The following FAM149A variants were observed in gnomAD, a reference collection of about 807,000 sequenced individuals.
The protein encoded by FAM149A is family with sequence similarity 149 member A, also known as protein FAM149A.
FAM149A carries 71 observed loss-of-function variants against 78.2 expected under a neutral mutation model. The ratio of observed to expected loss-of-function variants is 0.91; its 90% CI spans 0.75 to 1.11. The LOEUF (loss-of-function observed/expected upper bound fraction) is 1.11. Among genes scored for constraint, FAM149A ranks in the 50% least tolerant of loss-of-function variants. The pLI is 0.00. For missense variants in FAM149A, 1,036 were observed against 971.0 expected, an observed-to-expected ratio of 1.07 and a Z score of -0.89; for synonymous variants, 446 against 410.5, an observed-to-expected ratio of 1.09 and a Z score of -1.04.
chr4:186,162,299 C>T (rs1196716344), intron 8 of FAM149A, among the ~76,000 whole-genome samples: 3 of 152,202 alleles, frequency 2.0e-5, no homozygotes, highest in Admixed American at 2.0e-4. Context: ...AGAACCCAGG[C>T]AAGTGTGGAG....
At chr4:186,128,328 T>G (rs1478155079) in intron 1 of FAM149A, among the ~76,000 whole-genome samples, 1 of 152,148 alleles carries the variant, frequency 6.6e-6, no homozygotes, top group South Asian at 2.1e-4. Context: ...ATAAAATTAG[T>G]CCTACATTTT....
At chr4:186,110,794 T>C (rs1316404669) in intron 1 of FAM149A, among the ~76,000 whole-genome samples, 71 of 149,160 alleles carry the variant, frequency 4.8e-4, no homozygotes, top group African/African-American at 1.7e-3. Flanking sequence ...CAGTCTATCA[T>C]TGTTGGACAT....
chr4:186,134,102 G>A (rs1438572977), intron 1 of FAM149A, among the ~76,000 whole-genome samples: 1 of 152,130 alleles, frequency 6.6e-6, no homozygotes, highest in Admixed American at 6.5e-5. Flanking sequence ...TGATGCACGA[G>A]GATTCCCATT....
chr4:186,130,786 G>A (rs1226175237), intron 1 of FAM149A, among the ~76,000 whole-genome samples: 1 of 152,136 alleles, frequency 6.6e-6, no homozygotes, highest in Admixed American at 6.5e-5. Flanking sequence ...ACAGTAAATA[G>A]TATGTTACTG....
intron 3 of FAM149A, chr4:186,150,782 TGCC>T: frequency 6.8e-6 from 1 of 147,734 alleles, no homozygotes. Flanking sequence ...GGTGCAGTGG[TGCC>T]ATGTCGGCTC....
At chr4:186,126,369 A>G (rs1416847852) in intron 1 of FAM149A, among the ~76,000 whole-genome samples, 1 of 152,206 alleles carries the variant, frequency 6.6e-6, no homozygotes, top group Non-Finnish European at 1.5e-5. Flanking sequence ...ACACCCAGAT[A>G]GCTGATAAAA....
intron 7 of FAM149A, among the ~76,000 whole-genome samples, chr4:186,156,658 CA>C (rs1308114345): frequency 1.3e-5 from 2 of 151,474 alleles, no homozygotes; most frequent in Admixed American, 1.3e-4. Flanking sequence ...CCAGCCTAGG[CA>C]ACAAGAGTAA....
intron 7 of FAM149A, among the ~76,000 whole-genome samples, chr4:186,156,796 C>T (rs1386644819): frequency 1.3e-5 from 2 of 151,934 alleles, no homozygotes; most frequent in African/African-American, 4.8e-5. Flanking sequence ...ATAGTAACAC[C>T]CTGTCTTTTC....
chr4:186,127,570 G>T, intron 1 of FAM149A: 1 of 985,438 alleles, frequency 1.0e-6, no homozygotes, highest in Non-Finnish European at 1.2e-6. Context: ...ATGTCCATGC[G>T]AGAAGCAGTT....
In FAM149A at chr4:186,125,363, C is replaced by G. The variant is rs769430894; in HGVS notation, c.566+19721C>G. The stretch of plus-strand genomic sequence containing the variant: ...ATGCCTGCTACACCCACATCCCCTG[C>G]GGAGGTCTCTTGATGATAGCCACTG... On this transcript the variant is annotated intron_variant, in intron 1 of 13. Transcript: ENST00000389354. The G allele has an allele frequency of 3.4e-4, 337 of 981,970 alleles. 1 individual carries two copies. Among genetic ancestry groups the G allele is most frequent in the Non-Finnish European group, 4.0e-4 (329 of 826,826 alleles). 60.8% of individuals were successfully genotyped at this position (981,970 alleles called of 1,614,324 possible). A position where few individuals can be genotyped will look rare whatever the true frequency, so the allele number is the denominator to read the frequency against.
rs1425751612 is a variant in FAM149A at position 186,144,803 on chromosome 4, C to G, written c.567-4370C>G. 2.0e-6 allele frequency: 2 copies of G among 980,472 alleles called. No homozygotes were observed. Among genetic ancestry groups the G allele is most frequent in the Non-Finnish European group, 2.4e-6 (2 of 826,518 alleles). The allele number at this position is 980,472 out of a possible 1,614,324, so 60.7% of individuals were successfully genotyped here. ...TTAGCTGGCGGGCGAGGGCGCAGCG[C>G]AGGGAGGAGGAGGGGAGGCGGCGCC... On this transcript the variant is annotated intron_variant, in intron 1 of 13. Transcript: ENST00000389354. This position sits in a 1 kb window ranked among gnomAD's most constrained non-coding sequence, Gnocchi z 4.2.
At position 186,163,463 on chromosome 4, in the gene FAM149A, T is replaced by C. The variant is rs766861196; in HGVS notation, c.1719T>C (p.Gly573=). 50 of 1,613,668 alleles carry C rather than the reference T, an allele frequency of 3.1e-5. No homozygotes were observed. The highest frequency in any genetic ancestry group is 3.9e-5 in the Non-Finnish European group (46 of 1,180,000). ...ACAAAGCATCGGGTGGAGGGGCAGG[T>C]GCTCTCTCCTCCGCACCGCACAGAC... Residue 573 remains glycine (G), a synonymous_variant, in exon 10 of 14, where the codon GGT becomes GGC. Coordinates refer to ENST00000389354, the MANE Select transcript of FAM149A (RefSeq NM_001367768.3).
rs568913216 is a variant in FAM149A at position 186,168,893 on chromosome 4, G to A, written c.2218+1631G>A. Among the ~76,000 whole-genome samples, 9 of 152,286 alleles carry A rather than the reference G, an allele frequency of 5.9e-5. No individual in the cohort carries two copies. In the South Asian group the frequency reaches 1.9e-3, roughly 32 times the overall value. On this transcript the variant is annotated intron_variant, in intron 13 of 13. Transcript: ENST00000389354. ...CACCACCTGGATCCCCTGTCAGATG[G>A]CTGGAGGGTGCCGAGGCTTCCTAGA...
At chr4:186,145,317 TTGC>T (rs374918608) in intron 1 of FAM149A, among the ~76,000 whole-genome samples, 68 of 152,282 alleles carry the variant, frequency 4.5e-4, no homozygotes, top group African/African-American at 1.6e-3. Flanking sequence ...CTCCTGGGAC[TTGC>T]TGGTGTTGGG....
chr4:186,150,395 T>TCTCTCTCTC (rs1401107442), intron 3 of FAM149A, among the ~76,000 whole-genome samples: 14 of 125,442 alleles, frequency 1.1e-4, no homozygotes, highest in African/African-American at 4.1e-4. Context: ...CTTGCTTGCT[T>TCTCTCTCTC]TCTCTCTCTC....
chr4:186,131,814 ATAAT>A, intron 1 of FAM149A: 2 of 856,930 alleles, frequency 2.3e-6, no homozygotes, highest in Non-Finnish European at 2.8e-6. Context: ...AACAGACAAA[ATAAT>A]TGCTAACCAA....
chr4:186,136,936 ATCTCTCTCTCTCTCTCTC>A (rs142934788), intron 1 of FAM149A, among the ~76,000 whole-genome samples: 9 of 88,094 alleles, frequency 1.0e-4, no homozygotes, highest in African/African-American at 4.5e-4. Context: ...ACACTGATTG[ATCTCTCTCTCTCTCTCTC>A]TCTCTCTCTT....
intron 1 of FAM149A, among the ~76,000 whole-genome samples, chr4:186,136,950 C>CTCTCTCTCTT (rs1561396170): frequency 3.7e-4 from 47 of 125,844 alleles, no homozygotes; most frequent in Middle Eastern, 4.1e-3. Context: ...CTCTCTCTCT[C>CTCTCTCTCTT]TCTCTCTCTC....
chr4:186,152,131 T>C (rs931060206), intron 4 of FAM149A, 86 bp downstream of exon 4: 2 of 1,331,424 alleles, frequency 1.5e-6, no homozygotes, highest in African/African-American at 2.9e-5. Flanking sequence ...GTACATTTGG[T>C]GTGAAAGTGC....
Sources: gnomAD v4.1 joint callset for allele counts (sites outside exome capture counted in the v4.1 genomes callset) on GRCh38, gnomAD v4.1.1 for gene constraint, Gnocchi (gnomAD v3.1) non-coding constraint, MANE v1.5 for transcripts, NCBI Gene and HGNC (gene_info 2026-07-23, HGNC 2026-07-21) for gene names.